Variants in ADGRG1 observed in about 807,000 individuals in gnomAD.
The protein encoded by ADGRG1 is 7-transmembrane protein with no EGF-like N-terminal domains-1.
A neutral mutation model predicts 73.5 loss-of-function variants in ADGRG1; 53 were observed. That is an observed-to-expected ratio of 0.72 (90% CI 0.58 to 0.91). The LOEUF (loss-of-function observed/expected upper bound fraction) is 0.91, where lower values mean the gene tolerates loss of function less well. Among genes scored for constraint, ADGRG1 ranks in the 40% least tolerant of loss-of-function variants. The pLI is 0.00. For missense variants in ADGRG1, 795 were observed against 871.8 expected (o/e 0.91, Z 1.11); for synonymous variants, 394 against 374.4 (o/e 1.05, Z -0.60).
chr16:57,630,683 G>T (rs2037592984), intron 1 of ADGRG1: 1 of 284,904 alleles, frequency 3.5e-6, no homozygotes, highest in South Asian at 1.4e-4. Flanking sequence ...GTTAGGAGGT[G>T]AGATGGAGGC....
chr16:57,665,093 C>G lies in ADGRG1; in HGVS notation c.*1511C>G, dbSNP rs935844554. On this transcript the variant is annotated 3_prime_UTR_variant, in exon 14 of 14. Transcript: ENST00000562631. Reference sequence around the variant, plus strand: ...TCCTGTGCTTCTATTGAAAGAGTCACTGATACTAATACAAATACCTTGGGG... The same window carrying G: ...TCCTGTGCTTCTATTGAAAGAGTCAGTGATACTAATACAAATACCTTGGGG... 1.3e-5 allele frequency: 2 copies of G among 151,534 alleles called. No individual in the cohort carries two copies. Among genetic ancestry groups the G allele is most frequent in the African/African-American group, 4.9e-5 (2 of 41,136 alleles). 9.4% of individuals were successfully genotyped at this position (151,534 alleles called of 1,614,324 possible).
chr16:57,640,911 C>T lies in ADGRG1; in HGVS notation c.-35-9342C>T, dbSNP rs760161051. The T allele has an allele frequency of 1.7e-5, 17 of 985,358 alleles. No individual in the cohort carries two copies. The East Asian group carries it at 4.5e-4, about 26-fold the overall frequency. 61.0% of individuals were successfully genotyped at this position (985,358 alleles called of 1,614,324 possible). On this transcript the variant is annotated intron_variant, in intron 1 of 13. Coordinates refer to ENST00000562631, the MANE Select transcript of ADGRG1 (RefSeq NM_201525.4). ...GAGGGAGGTGACTGGGCTGACCTTG[C>T]GGGCCTGGCCTTGGGCAACGTGGGA...
chr16:57,646,623 G>C, intron 1 of ADGRG1: 1 of 985,222 alleles, frequency 1.0e-6, no homozygotes, highest in Non-Finnish European at 1.2e-6. Context: ...CCTTCCCTTT[G>C]TGGGGATTCT....
chr16:57,653,002 C>T (rs2044503709), intron 3 of ADGRG1: 1 of 1,440,442 alleles, frequency 6.9e-7, no homozygotes. Flanking sequence ...CTGGCGGGTT[C>T]TGTAAGACAC....
chr16:57,645,317 C>T (rs562518055), intron 1 of ADGRG1: 15 of 985,326 alleles, frequency 1.5e-5, no homozygotes, highest in Non-Finnish European at 1.8e-5. Flanking sequence ...AGGCTGGAAC[C>T]TGGAGATTGC....
At chr16:57,650,089 T>G (rs1229973716) in intron 1 of ADGRG1, 164 bp from the exon 2 acceptor site, 1 of 974,966 alleles carries the variant, frequency 1.0e-6, no homozygotes, top group African/African-American at 1.7e-5. Context: ...CACTGCCTCT[T>G]GGGGAGCGGC....
In ADGRG1 at chr16:57,660,892, C is replaced by T; in HGVS notation, c.1664+16C>T. 7.1e-7 allele frequency: 1 copy of T among 1,411,740 alleles called. No homozygotes were observed. Among genetic ancestry groups the T allele is most frequent in the Non-Finnish European group, 1.0e-6 (1 of 996,590 alleles). 87.5% of individuals were successfully genotyped at this position (1,411,740 alleles called of 1,614,324 possible). A position where few individuals can be genotyped will look rare whatever the true frequency, so the allele number is the denominator to read the frequency against. ...ACCCTTCCATGTGAGTGGCTGTGTG[C>T]AATGGGGGCAAGAAGGTGGGTCTCT... On this transcript the variant is annotated intron_variant, in intron 12 of 13. Transcript: ENST00000562631.
At chr16:57,642,208 C>A in intron 1 of ADGRG1, 1 of 985,420 alleles carries the variant, frequency 1.0e-6, no homozygotes, top group Non-Finnish European at 1.2e-6. Context: ...TGGAATGGCA[C>A]ACCTGGGACA....
chr16:57,653,995 G>C lies in ADGRG1; in HGVS notation c.630G>C (p.Gln210His). The change falls in exon 5 of 14, where the codon CAG becomes CAC. Residue 210 changes from glutamine to histidine, a missense_variant. Coordinates refer to ENST00000562631, the MANE Select transcript of ADGRG1 (RefSeq NM_201525.4). ...TTCTCCTCCCTGCCAGGCAGTTGCA[G>C]AGCCTGGAGTCGAAACTGACCTCTG... ...PSAAPASQQL[Q>H]SLESKLTSVR... 1 of 1,614,044 alleles carries C rather than the reference G, an allele frequency of 6.2e-7. No homozygotes were observed. The highest frequency in any genetic ancestry group is 8.5e-7 in the Non-Finnish European group (1 of 1,180,036).
chr16:57,642,380 C>T lies in ADGRG1; in HGVS notation c.-35-7873C>T, dbSNP rs567358662. On this transcript the variant is annotated intron_variant, in intron 1 of 13. Transcript: ENST00000562631. ...TGCCTAAGTGTCTCCTCTAGCTCAT[C>T]TCATGCTAGCTAATGACCTTTGGGA... The T allele has an allele frequency of 7.5e-5, 74 of 985,146 alleles. No individual in the cohort carries two copies. In the Middle Eastern group the frequency reaches 2.1e-3, roughly 28 times the overall value. 61.0% of individuals were successfully genotyped at this position (985,146 alleles called of 1,614,324 possible). A position where few individuals can be genotyped will look rare whatever the true frequency, so the allele number is the denominator to read the frequency against.
At chr16:57,635,255 C>T (rs2039066745) in intron 1 of ADGRG1, 3 of 985,380 alleles carry the variant, frequency 3.0e-6, no homozygotes, top group Non-Finnish European at 3.6e-6. Flanking sequence ...CCCTCGTGCA[C>T]AGCTTCCTCA....
At chr16:57,625,683 T>G, upstream of ADGRG1, 3 of 984,286 alleles carry the variant, frequency 3.0e-6, no homozygotes, top group Non-Finnish European at 3.6e-6. Flanking sequence ...TCTCAGGCTA[T>G]CTGTAGGTCT....
Position 57,664,369 on chromosome 16 carries a change from G to C in ADGRG1, c.*787G>C, listed in dbSNP as rs2047914480. 6.6e-6 allele frequency: 1 copy of C among 152,428 alleles called. No homozygotes were observed. The highest frequency in any genetic ancestry group is 2.4e-5 in the African/African-American group (1 of 41,458). The allele number at this position is 152,428 out of a possible 1,614,324, so 9.4% of individuals were successfully genotyped here. A position where few individuals can be genotyped will look rare whatever the true frequency, so the allele number is the denominator to read the frequency against. ...TCGGCCTGCCCCTGAGCCAGGCTCG[G>C]TACCGATGCGTGGGCTGGGCTAGGT... On this transcript the variant is annotated 3_prime_UTR_variant, in exon 14 of 14. Transcript: ENST00000562631.
intron 1 of ADGRG1, chr16:57,636,311 A>G (rs2039352868): frequency 1.0e-6 from 1 of 985,266 alleles, no homozygotes; most frequent in South Asian, 4.7e-5. Flanking sequence ...TCCAGCAGCC[A>G]TTAAAGCTGT....
At chr16:57,638,842 C>T (rs1257873302) in intron 1 of ADGRG1, among the ~76,000 whole-genome samples, 5 of 152,022 alleles carry the variant, frequency 3.3e-5, no homozygotes, top group South Asian at 2.1e-4. Flanking sequence ...GAGGCCGAGG[C>T]GGGCATATCA....
chr16:57,644,687 AGC>A (rs1427402961), intron 1 of ADGRG1, among the ~76,000 whole-genome samples: 3 of 120,510 alleles, frequency 2.5e-5, no homozygotes, highest in Admixed American at 8.4e-5. Flanking sequence ...CTCATGCACA[AGC>A]ACACACATGC....
intron 12 of ADGRG1, chr16:57,661,296 G>A (rs1284421730): frequency 1.5e-5 from 15 of 985,258 alleles, no homozygotes; most frequent in Middle Eastern, 5.2e-4. Context: ...TGGGGTTGAA[G>A]TCCAGTCCTT....
chr16:57,657,869 G>C (rs899557219), intron 10 of ADGRG1, among the ~76,000 whole-genome samples: 8 of 151,964 alleles, frequency 5.3e-5, no homozygotes, highest in African/African-American at 1.9e-4. Context: ...AGCCTCCTGA[G>C]TAGTTGGGAC....
intron 10 of ADGRG1, 49 bp from the exon 11 acceptor site, chr16:57,659,364 C>T (rs766333741): frequency 6.2e-7 from 1 of 1,611,776 alleles, no homozygotes. Context: ...GGGCACACTC[C>T]CCTCTCTACC....
Sources: allele counts gnomAD v4.1 joint callset (sites outside exome capture counted in the v4.1 genomes callset), GRCh38; gene constraint gnomAD v4.1.1; transcripts MANE v1.5; gene names NCBI Gene and HGNC (gene_info 2026-07-23, HGNC 2026-07-21).